Variants in PCDHA12 observed in about 807,000 individuals in gnomAD.
The protein encoded by PCDHA12 is protocadherin alpha-12.
Under a neutral mutation model 60.0 loss-of-function variants are expected in PCDHA12, and 44 were observed. The observed-to-expected ratio is 0.73, with a 90% CI of 0.58 to 0.94. The LOEUF (loss-of-function observed/expected upper bound fraction) is 0.94. Among genes scored for constraint, PCDHA12 ranks in the 40% least tolerant of loss-of-function variants. PCDHA12 has a pLI of 0.00. For synonymous variants in PCDHA12, 569 were observed against 553.0 expected, an observed-to-expected ratio of 1.03 and a Z score of -0.40; for missense variants, 1,276 against 1,239.7, an observed-to-expected ratio of 1.03 and a Z score of -0.44.
At chr5:140,884,550 G>C (rs781916237) in intron 1 of PCDHA12, 2 of 1,614,118 alleles carry the variant, frequency 1.2e-6, no homozygotes, top group Non-Finnish European at 1.7e-6. Flanking sequence ...GTGTGCTCTG[G>C]GGAGGGCCCG....
intron 1 of PCDHA12, among the ~76,000 whole-genome samples, chr5:140,924,926 TAAAATAAAATAAAAA>T (rs1425116753): frequency 8.4e-6 from 1 of 119,430 alleles, no homozygotes; most frequent in Non-Finnish European, 1.8e-5. Flanking sequence ...TAAAATAAAA[TAAAATAAAATAAAAA>T]GTTAAAAAAA....
chr5:140,940,425 G>T (rs2153645742), intron 1 of PCDHA12, among the ~76,000 whole-genome samples: 1 of 152,034 alleles, frequency 6.6e-6, no homozygotes, highest in African/African-American at 2.4e-5. Flanking sequence ...AATTATTACT[G>T]ATCAAGTCTG....
Position 140,876,708 on chromosome 5 carries a change from C to T in PCDHA12, c.1236C>T (p.Ala412=). The change falls in exon 1 of 4, where the codon GCC becomes GCT. Residue 412 remains alanine (A), a synonymous_variant. Coordinates refer to ENST00000398631, the MANE Select transcript of PCDHA12 (RefSeq NM_018903.4). ...KNYYSLVLDS[A]LDRESVSAYE... ...ACTACTCGTTGGTGCTGGACAGCGC[C>T]CTGGACCGCGAGAGCGTGTCGGCCT... The T allele has an allele frequency of 4.3e-6, 7 of 1,614,220 alleles. No homozygotes were observed. The highest frequency in any genetic ancestry group is 1.3e-5 in the African/African-American group (1 of 75,066).
At chr5:140,899,403 G>A (rs1458189120) in intron 1 of PCDHA12, among the ~76,000 whole-genome samples, 6 of 152,230 alleles carry the variant, frequency 3.9e-5, no homozygotes, top group Admixed American at 1.3e-4. Context: ...AGCATGAAGG[G>A]TTGTTGAATT....
intron 1 of PCDHA12, chr5:140,928,805 T>C (rs1554206331): frequency 6.2e-7 from 1 of 1,614,162 alleles, no homozygotes. Context: ...GTGGTAGTGG[T>C]TCGGGACCAT....
intron 3 of PCDHA12, among the ~76,000 whole-genome samples, chr5:140,998,588 G>A (rs1315091552): frequency 6.7e-6 from 1 of 148,536 alleles, no homozygotes; most frequent in African/African-American, 2.5e-5. Context: ...TTTTGAGACA[G>A]AGTTTTGCTC....
At chr5:140,883,106 T>C (rs782515785) in intron 1 of PCDHA12, 3 of 1,614,124 alleles carry the variant, frequency 1.9e-6, no homozygotes, top group Non-Finnish European at 2.5e-6. Context: ...TATAGTTTAC[T>C]CATTTAGAAG....
chr5:140,957,021 T>C (rs1431974405), intron 1 of PCDHA12, among the ~76,000 whole-genome samples: 3 of 152,182 alleles, frequency 2.0e-5, no homozygotes, highest in Non-Finnish European at 2.9e-5. Context: ...AGTGAGCATT[T>C]AGATATTTAT....
At chr5:140,936,007 C>G (rs1338541274) in intron 1 of PCDHA12, among the ~76,000 whole-genome samples, 3 of 151,820 alleles carry the variant, frequency 2.0e-5, no homozygotes, top group African/African-American at 7.3e-5. Flanking sequence ...ATTCTCCCAC[C>G]TCAGCCTCCC....
At chr5:140,937,326 C>G (rs1287239556) in intron 1 of PCDHA12, among the ~76,000 whole-genome samples, 2 of 152,046 alleles carry the variant, frequency 1.3e-5, no homozygotes, top group Non-Finnish European at 2.9e-5. Flanking sequence ...CGTGAGCCAC[C>G]GCGCCCGGCT....
chr5:140,928,836 C>G, intron 1 of PCDHA12: 2 of 1,614,168 alleles, frequency 1.2e-6, no homozygotes, highest in South Asian at 2.2e-5. Context: ...CACTTTCCTC[C>G]TCTGTCACTC....
rs575540619 is a variant in PCDHA12 at position 140,959,917 on chromosome 5, T to A, written c.2368-19032T>A. ...TTTATATCAGAAAAATCAAAGCCATTTGTAAAGCCCCATTACTTAGGCAGA... is the reference window on the plus strand; with the variant it reads ...TTTATATCAGAAAAATCAAAGCCATATGTAAAGCCCCATTACTTAGGCAGA... On this transcript the variant is annotated intron_variant, in intron 1 of 3. Transcript: ENST00000398631. 3.3e-5 allele frequency among the ~76,000 whole-genome samples: 5 copies of A among 152,296 alleles called. No homozygotes were observed. The East Asian group carries it at 9.6e-4, about 29-fold the overall frequency.
intron 1 of PCDHA12, chr5:140,969,451 T>C (rs1016577934): frequency 3.3e-6 from 5 of 1,511,952 alleles, no homozygotes; most frequent in Non-Finnish European, 3.6e-6. Context: ...GTAAACTGAG[T>C]ATATATAGTA....
intron 1 of PCDHA12, among the ~76,000 whole-genome samples, chr5:140,946,757 C>T (rs1179265601): frequency 6.6e-6 from 1 of 151,268 alleles, no homozygotes; most frequent in Non-Finnish European, 1.5e-5. Context: ...ACTGCATGAT[C>T]TCATTCATGT....
chr5:140,968,789 G>C, intron 1 of PCDHA12: 5 of 1,614,180 alleles, frequency 3.1e-6, no homozygotes, highest in Non-Finnish European at 4.2e-6. Context: ...AGCCTCTGTG[G>C]CCATTACAGT....
intron 1 of PCDHA12, chr5:140,882,291 G>A: frequency 6.2e-7 from 1 of 1,613,650 alleles, no homozygotes; most frequent in Non-Finnish European, 8.5e-7. Flanking sequence ...TGGCAAGGAG[G>A]CCCAAGACCG....
intron 1 of PCDHA12, among the ~76,000 whole-genome samples, chr5:140,924,131 T>C (rs2081690578): frequency 6.6e-6 from 1 of 152,234 alleles, no homozygotes; most frequent in African/African-American, 2.4e-5. Flanking sequence ...CTTAGCAGCA[T>C]TAATTTAAAA....
At chr5:140,970,366 A>G (rs1438755786) in intron 1 of PCDHA12, among the ~76,000 whole-genome samples, 2 of 152,196 alleles carry the variant, frequency 1.3e-5, no homozygotes, top group Admixed American at 1.3e-4. Context: ...TTGATTTGCT[A>G]TAGCTTCAAA....
At chr5:140,978,420 G>A (rs1489182751) in intron 1 of PCDHA12, among the ~76,000 whole-genome samples, 3 of 152,220 alleles carry the variant, frequency 2.0e-5, no homozygotes, top group African/African-American at 7.2e-5. Flanking sequence ...AAAAGAGACT[G>A]TTATCAGTTG....
Sources: allele counts gnomAD v4.1 joint callset (sites outside exome capture counted in the v4.1 genomes callset), GRCh38; gene constraint gnomAD v4.1.1; transcripts MANE v1.5; gene names NCBI Gene and HGNC (gene_info 2026-07-23, HGNC 2026-07-21).